Variants in P2RY12 observed in about 807,000 individuals in gnomAD.
P2RY12 encodes the protein P2Y purinoceptor 12.
In P2RY12, 3 loss-of-function variants were observed where a neutral mutation model predicts 4.5. The observed-to-expected ratio is 0.67, with a 90% CI of 0.31 to 1.74. The LOEUF is 1.74. Ranked by LOEUF, P2RY12 falls within the 40% of genes most tolerant of loss-of-function variation. The pLI is 0.09. For missense variants in P2RY12, 356 were observed against 407.8 expected (o/e 0.87, Z 1.09); for synonymous variants, 148 against 154.1 (o/e 0.96, Z 0.29).
intron 1 of P2RY12, among the ~76,000 whole-genome samples, chr3:151,354,175 G>T (rs1469410005): frequency 6.9e-6 from 1 of 144,684 alleles, no homozygotes; most frequent in African/African-American, 2.6e-5. Flanking sequence ...GAATCACAGT[G>T]CTAGAAATGA....
chr3:151,338,410 CAGAG>C lies in P2RY12; in HGVS notation c.432_435del (p.Ser145LeufsTer15). On this transcript the variant is annotated frameshift_variant, in exon 3 of 3. Coordinates refer to ENST00000302632, the MANE Select transcript of P2RY12 (RefSeq NM_022788.5). LOFTEE classifies it high-confidence loss of function. ...AAGAACATGAATGCCCAGATGACAACAGAGAGAATCTTAGCCCCCAAGAGATTTT... is the reference window on the plus strand; with the variant it reads ...AAGAACATGAATGCCCAGATGACAACAGAATCTTAGCCCCCAAGAGATTTT... The C allele has an allele frequency of 6.2e-7, 1 of 1,614,078 alleles. No homozygotes were observed. Among genetic ancestry groups the C allele is most frequent in the Non-Finnish European group, 8.5e-7 (1 of 1,180,006 alleles).
intron 1 of P2RY12, among the ~76,000 whole-genome samples, chr3:151,368,567 G>A (rs1755571271): frequency 6.8e-6 from 1 of 147,590 alleles, no homozygotes; most frequent in Admixed American, 6.7e-5. Context: ...CCACATCACA[G>A]CAGCTTAGGG....
At chr3:151,374,462 C>T (rs1425468740) in intron 1 of P2RY12, among the ~76,000 whole-genome samples, 1 of 152,082 alleles carries the variant, frequency 6.6e-6, no homozygotes, top group African/African-American at 2.4e-5. Context: ...GCATGAGAAT[C>T]GCTTGAAACT....
intron 1 of P2RY12, among the ~76,000 whole-genome samples, chr3:151,367,929 A>G (rs1451030320): frequency 6.6e-6 from 1 of 152,154 alleles, no homozygotes; most frequent in African/African-American, 2.4e-5. Flanking sequence ...ATTTTATACA[A>G]ATTAACATGT....
chr3:151,366,938 A>C (rs1055018443), intron 1 of P2RY12, among the ~76,000 whole-genome samples: 29 of 152,276 alleles, frequency 1.9e-4, no homozygotes, highest in Admixed American at 9.8e-4. Context: ...TGTGAACCTT[A>C]TGGTGGTGTG....
chr3:151,379,986 C>T, intron 1 of P2RY12: 1 of 552,686 alleles, frequency 1.8e-6, no homozygotes, highest in Non-Finnish European at 3.1e-6. Context: ...TTTAAATTTT[C>T]AAGCAGTCTT....
At chr3:151,344,852 G>GTTTT (rs1752337579) in intron 1 of P2RY12, among the ~76,000 whole-genome samples, 1 of 152,168 alleles carries the variant, frequency 6.6e-6, no homozygotes, top group Non-Finnish European at 1.5e-5. Flanking sequence ...TGTGAGTAAG[G>GTTTT]TGAAAGGATA....
chr3:151,340,902 A>G (rs1751733347), intron 1 of P2RY12, 142 bp from the exon 2 acceptor site: 1 of 152,222 alleles, frequency 6.6e-6, no homozygotes, highest in African/African-American at 2.4e-5. Flanking sequence ...GAAATGTGGG[A>G]TGAGGATGGC....
At chr3:151,377,984 C>T in intron 1 of P2RY12, 4 of 1,555,768 alleles carry the variant, frequency 2.6e-6, no homozygotes, top group Non-Finnish European at 2.6e-6. Context: ...GATGCTTTCT[C>T]CGGTGTAACA....
intron 2 of P2RY12, among the ~76,000 whole-genome samples, chr3:151,339,832 CA>C (rs1751574721): frequency 2.6e-5 from 4 of 152,060 alleles, no homozygotes; most frequent in Non-Finnish European, 5.9e-5. Flanking sequence ...ATGGCATCTA[CA>C]TCTTGGGAAT....
chr3:151,345,159 G>A (rs538943229), intron 1 of P2RY12, among the ~76,000 whole-genome samples: 2 of 152,312 alleles, frequency 1.3e-5, no homozygotes, highest in South Asian at 2.1e-4. Flanking sequence ...TCTAAAGGAC[G>A]AGATTTTTAG....
At chr3:151,340,543 A>G (rs1166773362) in intron 2 of P2RY12, 53 bp downstream of exon 2, 2 of 152,642 alleles carry the variant, frequency 1.3e-5, no homozygotes, top group East Asian at 3.8e-4. Context: ...ATGTACACAC[A>G]TATCAGAGTG....
At chr3:151,345,100 T>C (rs1231265516) in intron 1 of P2RY12, among the ~76,000 whole-genome samples, 5 of 152,218 alleles carry the variant, frequency 3.3e-5, no homozygotes, top group Admixed American at 3.3e-4. Context: ...TCTTCATCTA[T>C]TAAGTTTCTG....
rs767239907 is a variant in P2RY12 at position 151,382,761 on chromosome 3, A to G, written c.-180+1931T>C. ...CCTAAATTTGGTAAGTGACATTTCT[A>G]GTATTTTCCCTCCATTAAACATATT... On this transcript the variant is annotated intron_variant, in intron 1 of 2. Transcript: ENST00000302632. The G allele has an allele frequency of 5.7e-6, 9 of 1,592,622 alleles. No homozygotes were observed. The African/African-American group carries it at 1.2e-4, about 21-fold the overall frequency.
intron 1 of P2RY12, chr3:151,372,567 G>T: frequency 1.2e-6 from 2 of 1,612,914 alleles, no homozygotes; most frequent in South Asian, 2.2e-5. Context: ...TATTACTTAG[G>T]AGATGCCAAA....
At chr3:151,370,486 C>T (rs1756037017) in intron 1 of P2RY12, among the ~76,000 whole-genome samples, 1 of 152,110 alleles carries the variant, frequency 6.6e-6, no homozygotes, top group Non-Finnish European at 1.5e-5. Context: ...TAAAACTTCA[C>T]CTTAAGAAAG....
chr3:151,352,922 TAAG>T (rs1248598815), intron 1 of P2RY12, among the ~76,000 whole-genome samples: 3 of 152,084 alleles, frequency 2.0e-5, no homozygotes, highest in Admixed American at 2.0e-4. Context: ...CAAATTAACA[TAAG>T]AAAGATGAGG....
Position 151,360,124 on chromosome 3 carries a change from G to A in P2RY12, c.-179-19364C>T, listed in dbSNP as rs368199168. ...GAATCTTTGCACGCTGATGGAATTT[G>A]TGAATCTGCGGAGGCAGGGGCTCTC... On this transcript the variant is annotated intron_variant, in intron 1 of 2. Transcript: ENST00000302632. 2.6e-5 allele frequency among the ~76,000 whole-genome samples: 4 copies of A among 152,120 alleles called. No homozygotes were observed. The South Asian group carries it at 8.3e-4, about 31-fold the overall frequency.
chr3:151,356,153 A>C, intron 1 of P2RY12: 1 of 1,062,176 alleles, frequency 9.4e-7, no homozygotes, highest in Non-Finnish European at 1.3e-6. Context: ...TAATCCTGGC[A>C]CTTTGGGAGG....
Sources: gnomAD v4.1 joint callset for allele counts (sites outside exome capture counted in the v4.1 genomes callset) on GRCh38, gnomAD v4.1.1 for gene constraint, MANE v1.5 for transcripts, NCBI Gene and HGNC (gene_info 2026-07-23, HGNC 2026-07-21) for gene names.